DNAAF9: variants seen among roughly 807,000 people sequenced by gnomAD.
DNAAF9 encodes the protein shulin.
A neutral mutation model predicts 167.0 loss-of-function variants in DNAAF9; 90 were observed. The observed-to-expected ratio is 0.54, with a 90% CI of 0.45 to 0.64. The LOEUF (loss-of-function observed/expected upper bound fraction) is 0.64, where lower values mean the gene tolerates loss of function less well. DNAAF9 is among the 30% of genes least tolerant of loss of function. The pLI is 0.00. For missense variants in DNAAF9, 1,315 were observed against 1,442.2 expected (o/e 0.91, Z 1.43); for synonymous variants, 491 against 508.8 (o/e 0.96, Z 0.47).
chr20:3,401,985 T>G (rs2083994222), intron 1 of DNAAF9, among the ~76,000 whole-genome samples: 1 of 152,216 alleles, frequency 6.6e-6, no homozygotes, highest in African/African-American at 2.4e-5. Flanking sequence ...CATCCTCCAG[T>G]AGCTTCTTCA....
chr20:3,341,528 C>T (rs1458786235), intron 9 of DNAAF9, among the ~76,000 whole-genome samples: 7 of 152,186 alleles, frequency 4.6e-5, no homozygotes, highest in East Asian at 1.9e-4. Context: ...AGGAAATAAA[C>T]GGCATCACAA....
At chr20:3,255,105 A>T in intron 35 of DNAAF9, 114 bp downstream of exon 35, 1 of 654,708 alleles carries the variant, frequency 1.5e-6, no homozygotes, top group Non-Finnish European at 2.7e-6. Flanking sequence ...GAGAAGCAAG[A>T]CCTCCAGCAT....
chr20:3,381,542 G>C (rs1394997280), intron 2 of DNAAF9, 44 bp from the exon 3 acceptor site: 4 of 1,570,370 alleles, frequency 2.5e-6, no homozygotes, highest in African/African-American at 1.4e-5. Context: ...CATACTACAG[G>C]GAGCAAATGA....
chr20:3,249,891 G>C lies in DNAAF9; in HGVS notation c.*2681C>G, dbSNP rs183282105. On this transcript the variant is annotated 3_prime_UTR_variant, in exon 37 of 37. Coordinates refer to ENST00000252032, the MANE Select transcript of DNAAF9 (RefSeq NM_001009984.3). ...GGTCAGATAGCCCCCAGGGCTCAGAGGGGCCGGCTCAACTCCTTGCCAACG... is the reference window on the plus strand; with the variant it reads ...GGTCAGATAGCCCCCAGGGCTCAGACGGGCCGGCTCAACTCCTTGCCAACG... The C allele has an allele frequency of 1.3e-5, 2 of 151,908 alleles. No individual in the cohort carries two copies. Among genetic ancestry groups the C allele is most frequent in the African/African-American group, 4.9e-5 (2 of 41,158 alleles). 9.4% of individuals were successfully genotyped at this position (151,908 alleles called of 1,614,324 possible). A position where few individuals can be genotyped will look rare whatever the true frequency, so the allele number is the denominator to read the frequency against.
chr20:3,389,834 G>A (rs750779665), intron 1 of DNAAF9, among the ~76,000 whole-genome samples: 1 of 152,078 alleles, frequency 6.6e-6, no homozygotes, highest in Non-Finnish European at 1.5e-5. Flanking sequence ...TCAGGAGTTC[G>A]TAACCAGCCT....
intron 16 of DNAAF9, 118 bp downstream of exon 16, chr20:3,322,099 A>G: frequency 1.4e-6 from 1 of 708,730 alleles, no homozygotes; most frequent in Non-Finnish European, 2.5e-6. Flanking sequence ...CTGAGAGAAG[A>G]TCAGCTTCTT....
Position 3,394,942 on chromosome 20 carries a change from C to CTTTTTTTTTTTTTTTTTTT in DNAAF9, c.84-12437_84-12436insAAAAAAAAAAAAAAAAAAA, listed in dbSNP as rs1258382355. ...TTCCATGGCTTTTACTGAACATTTT[C>CTTTTTTTTTTTTTTTTTTT]TTTTTTCTTTTTTTTTTTTTTTTTT... On this transcript the variant is annotated intron_variant, in intron 1 of 36. Coordinates refer to ENST00000252032, the MANE Select transcript of DNAAF9 (RefSeq NM_001009984.3). Among the ~76,000 whole-genome samples, 3 of 89,050 alleles carry CTTTTTTTTTTTTTTTTTTT rather than the reference C, an allele frequency of 3.4e-5. 1 individual carries two copies. Among genetic ancestry groups the CTTTTTTTTTTTTTTTTTTT allele is most frequent in the Admixed American group, 1.5e-4 (1 of 6,786 alleles). 58.4% of individuals were successfully genotyped at this position (89,050 alleles called of 152,430 possible). A position where few individuals can be genotyped will look rare whatever the true frequency, so the allele number is the denominator to read the frequency against.
At chr20:3,403,337 T>C (rs1163035692) in intron 1 of DNAAF9, among the ~76,000 whole-genome samples, 1 of 152,030 alleles carries the variant, frequency 6.6e-6, no homozygotes. Context: ...TTCTTCCCCA[T>C]TCTCTTGGAT....
chr20:3,321,056 C>T (rs764432233), intron 16 of DNAAF9, among the ~76,000 whole-genome samples: 5 of 152,210 alleles, frequency 3.3e-5, no homozygotes, highest in South Asian at 2.1e-4. Context: ...GGCTCCCCTT[C>T]GCCATGCCAT....
intron 20 of DNAAF9, among the ~76,000 whole-genome samples, chr20:3,310,107 G>C (rs1167783437): frequency 6.6e-6 from 1 of 151,802 alleles, no homozygotes; most frequent in Non-Finnish European, 1.5e-5. Context: ...CAGGGGAATC[G>C]CTTAAACCTG....
Position 3,252,407 on chromosome 20 carries a change from C to A in DNAAF9, c.*165G>T. ...ATGGTGCAGGTGATGCTCTTCAGCG[C>A]TATACAGGGAATAAAGACAACATGC... On this transcript the variant is annotated 3_prime_UTR_variant, in exon 37 of 37. Coordinates refer to ENST00000252032, the MANE Select transcript of DNAAF9 (RefSeq NM_001009984.3). The A allele has an allele frequency of 1.7e-6, 1 of 583,214 alleles. No homozygotes were observed. Among genetic ancestry groups the A allele is most frequent in the Non-Finnish European group, 3.1e-6 (1 of 323,066 alleles). The allele number at this position is 583,214 out of a possible 1,614,324, so 36.1% of individuals were successfully genotyped here.
intron 6 of DNAAF9, chr20:3,361,740 T>C: frequency 1.2e-6 from 1 of 811,070 alleles, no homozygotes; most frequent in South Asian, 2.0e-5. Flanking sequence ...TACAGTATCT[T>C]AACTTCCTTT....
chr20:3,328,588 T>C (rs763637312), intron 12 of DNAAF9, among the ~76,000 whole-genome samples: 68 of 152,282 alleles, frequency 4.5e-4, no homozygotes, highest in Middle Eastern at 6.8e-3. Context: ...GTCCCTGACA[T>C]GGGGCATCAA....
At chr20:3,398,425 G>A (rs2083940093) in intron 1 of DNAAF9, among the ~76,000 whole-genome samples, 2 of 152,012 alleles carry the variant, frequency 1.3e-5, no homozygotes, top group African/African-American at 4.8e-5. Flanking sequence ...ACTTGCAATG[G>A]AAAGCATTCT....
chr20:3,375,196 AT>A, intron 4 of DNAAF9, 70 bp from the exon 5 acceptor site: 1 of 997,930 alleles, frequency 1.0e-6, no homozygotes, highest in Non-Finnish European at 1.6e-6. Context: ...TTTTCTCTGC[AT>A]TTTGTCAACC....
chr20:3,402,645 G>A (rs994682539), intron 1 of DNAAF9, among the ~76,000 whole-genome samples: 2 of 151,550 alleles, frequency 1.3e-5, no homozygotes, highest in African/African-American at 4.9e-5. Context: ...TGGCATGAAC[G>A]CAGCTCGCTG....
intron 16 of DNAAF9, among the ~76,000 whole-genome samples, chr20:3,319,105 GA>G (rs1164759327): frequency 2.2e-4 from 17 of 77,432 alleles, no homozygotes; most frequent in African/African-American, 7.2e-4. Flanking sequence ...AAAAAAAAAA[GA>G]AAAAAAAATA....
At chr20:3,364,461 C>T (rs1313282387) in intron 6 of DNAAF9, among the ~76,000 whole-genome samples, 1 of 152,152 alleles carries the variant, frequency 6.6e-6, no homozygotes, top group Non-Finnish European at 1.5e-5. Flanking sequence ...ACTGCTCAGT[C>T]TAGGGTTGAT....
Position 3,373,917 on chromosome 20 carries a change from C to A in DNAAF9, c.612+131G>T. ...GCAACTATTTTCCATTTCAAGTCTC[C>A]TAACTTGCTCCATGCCCTTGTGAGG... On this transcript the variant is annotated intron_variant, in intron 6 of 36. Coordinates refer to ENST00000252032, the MANE Select transcript of DNAAF9 (RefSeq NM_001009984.3). 3 of 615,138 alleles carry A rather than the reference C, an allele frequency of 4.9e-6. No individual in the cohort carries two copies. In the South Asian group the frequency reaches 6.0e-5, roughly 12 times the overall value. The allele number at this position is 615,138 out of a possible 1,614,324, so 38.1% of individuals were successfully genotyped here.
Sources: allele counts gnomAD v4.1 joint callset (sites outside exome capture counted in the v4.1 genomes callset), GRCh38; gene constraint gnomAD v4.1.1; transcripts MANE v1.5; gene names NCBI Gene and HGNC (gene_info 2026-07-23, HGNC 2026-07-21).